Variants in GABRA3 observed in about 807,000 individuals in gnomAD.
GABRA3 encodes gamma-aminobutyric acid type A receptor subunit alpha3.
GABRA3 carries 10 observed loss-of-function variants against 30.1 expected under a neutral mutation model. The observed-to-expected ratio is 0.33, with a 90% CI of 0.20 to 0.56. The LOEUF (loss-of-function observed/expected upper bound fraction) is 0.56, where lower values mean the gene tolerates loss of function less well. Ranked by LOEUF, GABRA3 falls within the 20% of genes least tolerant of loss-of-function variation. The pLI is 0.89. For missense variants in GABRA3, 233 were observed against 392.0 expected, an observed-to-expected ratio of 0.59 and a Z score of 3.42; for synonymous variants, 151 against 146.8, an observed-to-expected ratio of 1.03 and a Z score of -0.21.
intron 8 of GABRA3, among the ~76,000 whole-genome samples, chrX:152,195,186 T>C (rs890004388): frequency 1.8e-5 from 2 of 112,372 alleles, no homozygotes; most frequent in African/African-American, 6.5e-5. Context: ...ATGCAATTAA[T>C]GTAAATATAA....
At chrX:152,254,333 T>C (rs1034478572) in intron 5 of GABRA3, among the ~76,000 whole-genome samples, 13 of 111,053 alleles carry the variant, frequency 1.2e-4, no homozygotes, top group South Asian at 3.8e-4. Flanking sequence ...TATCCTAATA[T>C]CTAATCTAGC....
intron 8 of GABRA3, among the ~76,000 whole-genome samples, chrX:152,190,513 T>TC (rs1338850370): frequency 9.0e-6 from 1 of 111,025 alleles, no homozygotes; most frequent in Non-Finnish European, 1.9e-5. Context: ...TATTTTTTTT[T>TC]CTTTTTTCTT....
intron 5 of GABRA3, among the ~76,000 whole-genome samples, chrX:152,236,151 C>A (rs1416127300): frequency 1.4e-5 from 1 of 71,907 alleles, no homozygotes; most frequent in Non-Finnish European, 2.6e-5. Flanking sequence ...CCCCTCCCCC[C>A]ACCCCACCAC....
At chrX:152,381,702 C>A (rs761539508) in intron 1 of GABRA3, among the ~76,000 whole-genome samples, 2 of 109,547 alleles carry the variant, frequency 1.8e-5, no homozygotes, top group African/African-American at 3.3e-5. Context: ...TCCCCTAACC[C>A]CCCCCACCCA....
intron 5 of GABRA3, among the ~76,000 whole-genome samples, chrX:152,231,302 C>CGTGTGTGTACACGT (rs779062342): frequency 2.9e-5 from 3 of 105,062 alleles, no homozygotes; most frequent in African/African-American, 1.0e-4. Flanking sequence ...TGTATATATA[C>CGTGTGTGTACACGT]GTGTGTGTAC....
At chrX:152,355,074 T>G (rs1940529568) in intron 2 of GABRA3, among the ~76,000 whole-genome samples, 1 of 111,171 alleles carries the variant, frequency 9.0e-6, no homozygotes, top group Non-Finnish European at 1.9e-5. Flanking sequence ...CACCTTTAGA[T>G]AGTAGAACCA....
chrX:152,367,109 T>C (rs1016281615), intron 1 of GABRA3, among the ~76,000 whole-genome samples: 35 of 111,151 alleles, frequency 3.1e-4, no homozygotes, highest in African/African-American at 1.1e-3. Context: ...ATCATACGAA[T>C]ATTCAGACAA....
At chrX:152,255,198 T>C (rs1938617604) in intron 5 of GABRA3, among the ~76,000 whole-genome samples, 1 of 111,760 alleles carries the variant, frequency 8.9e-6, no homozygotes, top group Admixed American at 9.5e-5. Context: ...TCTTAAATTG[T>C]TTGGAAAATT....
chrX:152,384,065 C>G (rs1157676558), intron 1 of GABRA3, among the ~76,000 whole-genome samples: 1 of 109,622 alleles, frequency 9.1e-6, no homozygotes, highest in Non-Finnish European at 1.9e-5. Flanking sequence ...AAATCAGGAG[C>G]CTTTCTACAT....
At chrX:152,241,871 G>A (rs1569367517) in intron 5 of GABRA3, among the ~76,000 whole-genome samples, 2 of 111,611 alleles carry the variant, frequency 1.8e-5, no homozygotes, top group Admixed American at 9.4e-5. Flanking sequence ...GCTCGCACAC[G>A]GTGCGCGCAC....
chrX:152,188,761 C>T (rs988127050), intron 9 of GABRA3, among the ~76,000 whole-genome samples: 1 of 111,637 alleles, frequency 9.0e-6, no homozygotes, highest in East Asian at 2.8e-4. Flanking sequence ...TACATATTTT[C>T]TCCTAATTTG....
chrX:152,241,888 G>A (rs1413791158), intron 5 of GABRA3, among the ~76,000 whole-genome samples: 2 of 111,540 alleles, frequency 1.8e-5, no homozygotes, highest in African/African-American at 3.3e-5. Flanking sequence ...GCACCCACTG[G>A]CCTGCACCCA....
rs757236380 is a variant in GABRA3 at position 152,368,379 on chromosome X, C to T, written c.-26-3783G>A. ...TTTAGATTAATCCACATGTAAGTGG[C>T]ATCATGAGGTATCTGTCTTTCTCTG... On this transcript the variant is annotated intron_variant, in intron 1 of 9. Coordinates refer to ENST00000370314, the MANE Select transcript of GABRA3 (RefSeq NM_000808.4). Among the ~76,000 whole-genome samples, 14 of 111,444 alleles carry T rather than the reference C, an allele frequency of 1.3e-4. 1 individual carries two copies. The Admixed American group carries it at 1.3e-3, about 11-fold the overall frequency.
chrX:152,366,954 T>C (rs1448894637), intron 1 of GABRA3, among the ~76,000 whole-genome samples: 3 of 111,355 alleles, frequency 2.7e-5, no homozygotes, highest in African/African-American at 9.8e-5. Context: ...AAAGGTAAGA[T>C]ACAGTTGCAA....
At chrX:152,369,549 C>T (rs150165072) in intron 1 of GABRA3, among the ~76,000 whole-genome samples, 1,204 of 111,068 alleles carry the variant, frequency 0.011, 16 homozygotes, top group African/African-American at 0.036. Context: ...CTGCTATCCC[C>T]TCTACCTGGG....
At chrX:152,283,172 A>C (rs750359361) in intron 4 of GABRA3, among the ~76,000 whole-genome samples, 1 of 111,400 alleles carries the variant, frequency 9.0e-6, no homozygotes, top group Non-Finnish European at 1.9e-5. Flanking sequence ...TGTGGGAATT[A>C]CTAGTCAACA....
Position 152,167,135 on chromosome X carries a change from G to A in GABRA3, c.*1093C>T, listed in dbSNP as rs529416386. 2 of 111,041 alleles carry A rather than the reference G, an allele frequency of 1.8e-5. No individual in the cohort carries two copies. The highest frequency in any genetic ancestry group is 5.7e-4 in the East Asian group (2 of 3,492). 9.2% of individuals were successfully genotyped at this position (111,041 alleles called of 1,213,427 possible). ...ATAGAATCGGCATCAACAGAGGACC[G>A]GAGGTTCCCGATATGGTGGGAGAAA... On this transcript the variant is annotated 3_prime_UTR_variant, in exon 10 of 10. Coordinates refer to ENST00000370314, the MANE Select transcript of GABRA3 (RefSeq NM_000808.4).
chrX:152,275,173 ATATATATTTAATATTATATATATAATT>A (rs1190799564), intron 4 of GABRA3, among the ~76,000 whole-genome samples: 164 of 72,450 alleles, frequency 2.3e-3, no homozygotes, highest in Non-Finnish European at 3.5e-3. Context: ...TATATAATTT[ATATATATTTAATATTATATATATAATT>A]TATATATATA....
chrX:152,354,242 C>A (rs1166532565), intron 2 of GABRA3, among the ~76,000 whole-genome samples: 2 of 111,698 alleles, frequency 1.8e-5, no homozygotes, highest in Non-Finnish European at 3.8e-5. Context: ...CTTCTATTTT[C>A]TAGCTGTGTG....
Sources: gnomAD v4.1 joint callset for allele counts (sites outside exome capture counted in the v4.1 genomes callset) on GRCh38, gnomAD v4.1.1 for gene constraint, MANE v1.5 for transcripts, NCBI Gene and HGNC (gene_info 2026-07-23, HGNC 2026-07-21) for gene names.